DHRS3: variants seen among roughly 807,000 people sequenced by gnomAD.
The protein encoded by DHRS3 is short-chain dehydrogenase/reductase 3.
A neutral mutation model predicts 27.2 loss-of-function variants in DHRS3; 14 were observed. That is an observed-to-expected ratio of 0.52 (90% CI 0.34 to 0.81). The LOEUF (loss-of-function observed/expected upper bound fraction) is 0.81. Among genes scored for constraint, DHRS3 ranks in the 30% least tolerant of loss-of-function variants. The probability of loss-of-function intolerance (pLI) is 0.01; values close to 1 mark genes in which losing one functional copy is unlikely to be tolerated. For missense variants in DHRS3, 322 were observed against 406.2 expected (o/e 0.79, Z 1.78); for synonymous variants, 165 against 175.9 (o/e 0.94, Z 0.49).
intron 1 of DHRS3, among the ~76,000 whole-genome samples, chr1:12,598,916 G>A (rs1024831659): frequency 6.6e-6 from 1 of 152,140 alleles, no homozygotes; most frequent in Admixed American, 6.5e-5. Context: ...TTTTGGAAAA[G>A]GAAATAAACA....
chr1:12,606,566 G>A (rs1046221313), intron 1 of DHRS3, among the ~76,000 whole-genome samples: 6 of 151,654 alleles, frequency 4.0e-5, no homozygotes, highest in East Asian at 1.9e-4. Context: ...CTTGGCTCAC[G>A]GCAACCTCCG....
At chr1:12,587,141 CTTTT>C (rs564825355) in intron 1 of DHRS3, among the ~76,000 whole-genome samples, 3 of 132,310 alleles carry the variant, frequency 2.3e-5, no homozygotes. Flanking sequence ...CAACTCTAAA[CTTTT>C]TTTTTTTTTT....
chr1:12,584,965 GTCTC>G (rs56126136), intron 1 of DHRS3, among the ~76,000 whole-genome samples: 85 of 151,782 alleles, frequency 5.6e-4, no homozygotes, highest in African/African-American at 1.7e-3. Context: ...GTCTGTGGGT[GTCTC>G]TCTGTATGAG....
chr1:12,572,997 C>T (rs888444071), intron 4 of DHRS3, 144 bp from the exon 5 acceptor site: 4 of 1,050,192 alleles, frequency 3.8e-6, no homozygotes, highest in African/African-American at 1.6e-5. Flanking sequence ...CTCCCTCTAC[C>T]CCACACCCAT....
intron 1 of DHRS3, among the ~76,000 whole-genome samples, chr1:12,580,876 G>T (rs1169500349): frequency 6.6e-6 from 1 of 152,002 alleles, no homozygotes; most frequent in East Asian, 1.9e-4. Flanking sequence ...AGGCTAGAAC[G>T]CAGCAGTGCG....
intron 1 of DHRS3, chr1:12,616,440 A>C (rs1646944758): frequency 1.3e-5 from 7 of 557,964 alleles, no homozygotes; most frequent in Non-Finnish European, 1.6e-5. Flanking sequence ...TTTGGTGGGC[A>C]GGACCCTCCT....
intron 1 of DHRS3, among the ~76,000 whole-genome samples, chr1:12,612,860 A>T (rs1389664625): frequency 1.3e-5 from 2 of 152,094 alleles, no homozygotes; most frequent in Non-Finnish European, 2.9e-5. Flanking sequence ...GGAGTTCGAG[A>T]CCAGCCTGAC....
At position 12,592,755 on chromosome 1, in the gene DHRS3, C is replaced by G. The variant is rs970659225; in HGVS notation, c.196-12089G>C. Among the ~76,000 whole-genome samples the G allele has an allele frequency of 6.6e-6, 1 of 152,202 alleles. No homozygotes were observed. The highest frequency in any genetic ancestry group is 1.5e-5 in the Non-Finnish European group (1 of 68,048). On this transcript the variant is annotated intron_variant, in intron 1 of 5. Coordinates refer to ENST00000616661, the MANE Select transcript of DHRS3 (RefSeq NM_004753.7). This position sits in a 1 kb window ranked among gnomAD's most constrained non-coding sequence, Gnocchi z 4.2. ...ATAGAGGAGGCCAAGCGAGGCCCAGCCCCAGGCTCCCGAGGCTGGGAAGTG... is the reference window on the plus strand; with the variant it reads ...ATAGAGGAGGCCAAGCGAGGCCCAGGCCCAGGCTCCCGAGGCTGGGAAGTG...
chr1:12,601,677 C>T (rs1464499783), intron 1 of DHRS3, among the ~76,000 whole-genome samples: 1 of 152,104 alleles, frequency 6.6e-6, no homozygotes, highest in East Asian at 1.9e-4. Flanking sequence ...GCCATCAATG[C>T]CATCTCTTCC....
At chr1:12,576,641 T>A (rs983248743) in intron 4 of DHRS3, among the ~76,000 whole-genome samples, 1 of 151,028 alleles carries the variant, frequency 6.6e-6, no homozygotes, top group African/African-American at 2.4e-5. Flanking sequence ...ACCTTCTGTA[T>A]ACTCAGATGA....
At chr1:12,601,995 G>A (rs1461220676) in intron 1 of DHRS3, among the ~76,000 whole-genome samples, 1 of 152,216 alleles carries the variant, frequency 6.6e-6, no homozygotes, top group Non-Finnish European at 1.5e-5. Context: ...AGTATCTACT[G>A]TGGGCCAGAT....
chr1:12,577,278 T>C (rs1272877022), intron 4 of DHRS3, among the ~76,000 whole-genome samples: 3 of 152,218 alleles, frequency 2.0e-5, no homozygotes, highest in Admixed American at 6.5e-5. Flanking sequence ...GGGCACTTAA[T>C]ATGTACCACA....
intron 1 of DHRS3, 62 bp from the exon 2 acceptor site, chr1:12,580,728 G>A: frequency 1.9e-6 from 3 of 1,545,356 alleles, no homozygotes; most frequent in Non-Finnish European, 2.6e-6. Flanking sequence ...TGCAACAATT[G>A]CCACCAGAAA....
Position 12,606,714 on chromosome 1 carries a change from C to A in DHRS3, c.195+10440G>T, listed in dbSNP as rs546504938. Among the ~76,000 whole-genome samples the A allele has an allele frequency of 5.3e-5, 8 of 151,724 alleles. No individual in the cohort carries two copies. In the South Asian group the frequency reaches 8.3e-4, roughly 16 times the overall value. ...GTTTCTCCATGTTGGTCAGGCTGGT[C>A]TTGAACTCCCGACCAGGTGATCCGC... On this transcript the variant is annotated intron_variant, in intron 1 of 5. Coordinates refer to ENST00000616661, the MANE Select transcript of DHRS3 (RefSeq NM_004753.7).
At chr1:12,613,615 G>A (rs756513388) in intron 1 of DHRS3, among the ~76,000 whole-genome samples, 1 of 152,188 alleles carries the variant, frequency 6.6e-6, no homozygotes, top group Non-Finnish European at 1.5e-5. Context: ...TACTCACAGT[G>A]CTAGTTCCTG....
intron 1 of DHRS3, among the ~76,000 whole-genome samples, chr1:12,588,172 C>CAACCTGCA (rs1394491171): frequency 3.3e-5 from 5 of 152,208 alleles, no homozygotes; most frequent in Non-Finnish European, 7.3e-5. Flanking sequence ...GACTCCTATT[C>CAACCTGCA]AACCTGCAAA....
Position 12,578,591 on chromosome 1 carries a change from T to A in DHRS3, c.698+127A>T. On this transcript the variant is annotated intron_variant, in intron 4 of 5. Transcript: ENST00000616661. The surrounding 1 kb of genome is among the most constrained non-coding windows in gnomAD (Gnocchi z 4.5). The stretch of plus-strand genomic sequence containing the variant: ...GCCTTGGCTTCCCAAAATGCTAGGA[T>A]TATAGGTATGAGGCACCGTGCCTAG... The A allele has an allele frequency of 1.1e-6, 1 of 921,400 alleles. No homozygotes were observed. Among genetic ancestry groups the A allele is most frequent in the East Asian group, 2.5e-5 (1 of 39,432 alleles). 57.1% of individuals were successfully genotyped at this position (921,400 alleles called of 1,614,324 possible). A position where few individuals can be genotyped will look rare whatever the true frequency, so the allele number is the denominator to read the frequency against.
At chr1:12,600,384 G>A in intron 1 of DHRS3, 1 of 985,420 alleles carries the variant, frequency 1.0e-6, no homozygotes, top group Non-Finnish European at 1.2e-6. Flanking sequence ...ATCCCTTAAG[G>A]ACCCCGTCTC....
chr1:12,568,880 T>C (rs1646508036), intron 5 of DHRS3, among the ~76,000 whole-genome samples: 1 of 151,914 alleles, frequency 6.6e-6, no homozygotes, highest in South Asian at 2.1e-4. Context: ...TGAGCTGAGA[T>C]TGTACCGCTG....
Sources: allele counts gnomAD v4.1 joint callset (sites outside exome capture counted in the v4.1 genomes callset), GRCh38; gene constraint gnomAD v4.1.1; non-coding constraint Gnocchi (gnomAD v3.1); transcripts MANE v1.5; gene names NCBI Gene and HGNC (gene_info 2026-07-23, HGNC 2026-07-21).